The following SYT1 variants were observed in gnomAD, a reference collection of about 807,000 sequenced individuals.
SYT1 encodes synaptotagmin-1.
A neutral mutation model predicts 44.8 loss-of-function variants in SYT1; 8 were observed. The observed-to-expected ratio is 0.18, with a 90% CI of 0.10 to 0.32. The LOEUF (loss-of-function observed/expected upper bound fraction) is 0.32, where lower values mean the gene tolerates loss of function less well. Ranked by LOEUF, SYT1 falls within the 10% of genes least tolerant of loss-of-function variation. The probability of loss-of-function intolerance (pLI) is 1.00; values close to 1 mark genes in which losing one functional copy is unlikely to be tolerated. For synonymous variants in SYT1, 154 were observed against 188.8 expected (o/e 0.82, Z 1.51); for missense variants, 286 against 509.3 (o/e 0.56, Z 4.22).
At chr12:78,941,065 CTTTTTT>C (rs398044555) in intron 1 of SYT1, among the ~76,000 whole-genome samples, 1 of 68,442 alleles carries the variant, frequency 1.5e-5, no homozygotes. Context: ...CTTTTTTTTT[CTTTTTT>C]TTTTTTTTTT....
intron 2 of SYT1, among the ~76,000 whole-genome samples, chr12:79,045,056 G>A (rs1365827696): frequency 7.2e-5 from 11 of 152,114 alleles, no homozygotes; most frequent in African/African-American, 2.7e-4. Flanking sequence ...AGTCTGCAGA[G>A]GTTACTGCTG....
chr12:79,431,732 G>A (rs1446890622), intron 9 of SYT1, among the ~76,000 whole-genome samples: 2 of 151,702 alleles, frequency 1.3e-5, no homozygotes, highest in Non-Finnish European at 2.9e-5. Context: ...TAGTACAGAC[G>A]GGGTTTCACC....
intron 3 of SYT1, among the ~76,000 whole-genome samples, chr12:79,082,756 A>G (rs893003627): frequency 6.6e-6 from 1 of 152,112 alleles, no homozygotes; most frequent in African/African-American, 2.4e-5. Context: ...TTCATGAGCC[A>G]AGGAAGAGGC....
chr12:79,264,411 T>G (rs1878012170), intron 4 of SYT1, among the ~76,000 whole-genome samples: 1 of 152,112 alleles, frequency 6.6e-6, no homozygotes, highest in Non-Finnish European at 1.5e-5. Context: ...TGTTTCTCAA[T>G]GAAAAATGAT....
At position 79,449,184 on chromosome 12, in the gene SYT1, A is replaced by G; in HGVS notation, c.*60A>G. On this transcript the variant is annotated 3_prime_UTR_variant, in exon 11 of 11. Transcript: ENST00000261205. Reference sequence around the variant, plus strand: ...AGTGCTCTTTAGCCAGTATCTGTAAATACCTCAGTAATATGGGTCCTTTCA... The same window carrying G: ...AGTGCTCTTTAGCCAGTATCTGTAAGTACCTCAGTAATATGGGTCCTTTCA... 1 of 1,504,042 alleles carries G rather than the reference A, an allele frequency of 6.6e-7. No homozygotes were observed. The highest frequency in any genetic ancestry group is 9.0e-7 in the Non-Finnish European group (1 of 1,105,732). 93.2% of individuals were successfully genotyped at this position (1,504,042 alleles called of 1,614,324 possible).
At chr12:79,176,220 G>A (rs1360285597) in intron 3 of SYT1, among the ~76,000 whole-genome samples, 2 of 151,140 alleles carry the variant, frequency 1.3e-5, no homozygotes, top group East Asian at 3.9e-4. Flanking sequence ...AACCTGGGAG[G>A]CTGAGGTTTC....
At chr12:79,409,305 T>C (rs1868335502) in intron 9 of SYT1, among the ~76,000 whole-genome samples, 1 of 152,166 alleles carries the variant, frequency 6.6e-6, no homozygotes, top group Non-Finnish European at 1.5e-5. Context: ...AAAAACAATG[T>C]AACTGGAAAG....
At chr12:79,431,377 C>T (rs1345155527) in intron 9 of SYT1, among the ~76,000 whole-genome samples, 1 of 151,950 alleles carries the variant, frequency 6.6e-6, no homozygotes, top group African/African-American at 2.4e-5. Context: ...ATCTGAAATA[C>T]GAATGTGTGG....
At chr12:79,051,084 T>C (rs566366921) in intron 3 of SYT1, among the ~76,000 whole-genome samples, 4 of 151,906 alleles carry the variant, frequency 2.6e-5, no homozygotes, top group Non-Finnish European at 4.4e-5. Flanking sequence ...CACCATTTTT[T>C]TCTATCTGCC....
chr12:79,316,358 CTATTA>C (rs1185344031), intron 8 of SYT1, among the ~76,000 whole-genome samples: 1 of 152,258 alleles, frequency 6.6e-6, no homozygotes, highest in Admixed American at 6.5e-5. Context: ...AAGTGGTATT[CTATTA>C]TGTGAATATA....
chr12:79,417,378 ATCTC>A (rs758928350), intron 9 of SYT1, among the ~76,000 whole-genome samples: 2 of 151,738 alleles, frequency 1.3e-5, no homozygotes, highest in African/African-American at 4.8e-5. Flanking sequence ...TTCCTCCTAA[ATCTC>A]TCTCTTATCT....
chr12:78,977,216 G>A (rs1868910255), intron 1 of SYT1, among the ~76,000 whole-genome samples: 1 of 152,196 alleles, frequency 6.6e-6, no homozygotes, highest in South Asian at 2.1e-4. Context: ...AGATGCTTTA[G>A]TATGTGCAGT....
intron 2 of SYT1, among the ~76,000 whole-genome samples, chr12:79,045,191 C>A (rs1042553569): frequency 1.3e-5 from 2 of 152,174 alleles, no homozygotes; most frequent in Non-Finnish European, 2.9e-5. Flanking sequence ...TAAGCAAGCC[C>A]GGGCAATGGC....
chr12:79,367,893 CT>C lies in SYT1; in HGVS notation c.928+14281del, dbSNP rs1039633013. The stretch of plus-strand genomic sequence containing the variant: ...ATTAGTCCTACAGCAGAGATGATAC[CT>C]TTTTTTAAAAAAAAAAATTATTATT... On this transcript the variant is annotated intron_variant, in intron 9 of 10. Transcript: ENST00000261205. Among the ~76,000 whole-genome samples the C allele has an allele frequency of 2.6e-5, 4 of 151,152 alleles. No individual in the cohort carries two copies. The East Asian group carries it at 6.0e-4, about 23-fold the overall frequency.
intron 1 of SYT1, among the ~76,000 whole-genome samples, chr12:78,869,307 A>G (rs574171041): frequency 9.2e-5 from 14 of 152,090 alleles, no homozygotes; most frequent in African/African-American, 3.4e-4. Flanking sequence ...AAACTGTGGT[A>G]GCCGGGTATG....
chr12:79,184,772 G>A (rs1383763988), intron 3 of SYT1, among the ~76,000 whole-genome samples: 2 of 152,012 alleles, frequency 1.3e-5, no homozygotes, highest in Non-Finnish European at 2.9e-5. Context: ...ACATCTAGGA[G>A]TAGAAGTAAA....
At chr12:79,349,041 G>GAGAAAGAAAGAAAGAA (rs1555219973) in intron 8 of SYT1, among the ~76,000 whole-genome samples, 2 of 113,068 alleles carry the variant, frequency 1.8e-5, no homozygotes, top group African/African-American at 6.8e-5. Flanking sequence ...GAAAAAGAAA[G>GAGAAAGAAAGAAAGAA]AAAGAAAGAA....
chr12:78,935,798 T>G (rs1878020400), intron 1 of SYT1, among the ~76,000 whole-genome samples: 2 of 152,084 alleles, frequency 1.3e-5, no homozygotes, highest in Non-Finnish European at 2.9e-5. Flanking sequence ...TACTAAGTAT[T>G]TAAGAGCTAC....
intron 3 of SYT1, among the ~76,000 whole-genome samples, chr12:79,108,486 T>G (rs930059711): frequency 6.6e-6 from 1 of 152,050 alleles, no homozygotes; most frequent in African/African-American, 2.4e-5. Context: ...AGCTTTTTTA[T>G]CTCTGTAATT....
Sources: gnomAD v4.1 joint callset for allele counts (sites outside exome capture counted in the v4.1 genomes callset) on GRCh38, gnomAD v4.1.1 for gene constraint, MANE v1.5 for transcripts, NCBI Gene and HGNC (gene_info 2026-07-23, HGNC 2026-07-21) for gene names.